The following NELL1 variants were observed in gnomAD, a reference collection of about 807,000 sequenced individuals.
The protein encoded by NELL1 is neural EGFL like 1, also known as protein kinase C-binding protein NELL1.
In NELL1, 76 loss-of-function variants were observed where a neutral mutation model predicts 107.4. That is an observed-to-expected ratio of 0.71 (90% CI 0.59 to 0.86). The LOEUF (loss-of-function observed/expected upper bound fraction) is 0.86. Among genes scored for constraint, NELL1 ranks in the 40% least tolerant of loss-of-function variants. The pLI is 0.00. For missense variants in NELL1, 1,024 were observed against 1,005.5 expected (o/e 1.02, Z -0.25); for synonymous variants, 353 against 341.2 (o/e 1.03, Z -0.38).
intron 2 of NELL1, among the ~76,000 whole-genome samples, chr11:20,705,877 T>G (rs12365921): frequency 6.6e-6 from 1 of 151,692 alleles, no homozygotes; most frequent in African/African-American, 2.4e-5. Flanking sequence ...ACACTTCTCA[T>G]AAGAAGACAT....
intron 13 of NELL1, among the ~76,000 whole-genome samples, chr11:21,164,626 T>A (rs1479668381): frequency 1.3e-5 from 2 of 152,208 alleles, no homozygotes; most frequent in Non-Finnish European, 2.9e-5. Context: ...GAAATCATAG[T>A]GTTATAAAAT....
chr11:20,693,806 G>T (rs374032622), intron 2 of NELL1, among the ~76,000 whole-genome samples: 7 of 152,028 alleles, frequency 4.6e-5, no homozygotes, highest in African/African-American at 1.4e-4. Flanking sequence ...GGCGTTCTCT[G>T]TATTTCCTGA....
chr11:20,847,747 G>A lies in NELL1; in HGVS notation c.500G>A (p.Cys167Tyr), dbSNP rs1848726396. Residue 167 changes from cysteine to tyrosine, a missense_variant, in exon 4 of 20, where the codon TGT becomes TAT. Coordinates refer to ENST00000357134, the MANE Select transcript of NELL1 (RefSeq NM_006157.5). Reference protein sequence around the residue: ...SASHLLLHVDCNRIYERVIDP... With the variant: ...SASHLLLHVDYNRIYERVIDP... ...TCTCATCTCCTGCTCCATGTCGACT[G>A]TAACAGGTATTTCTTTGTCTTTGAG... is the stretch of plus-strand genomic sequence containing the variant. 6.2e-7 allele frequency: 1 copy of A among 1,609,562 alleles called. No individual in the cohort carries two copies. Among genetic ancestry groups the A allele is most frequent in the Non-Finnish European group, 8.5e-7 (1 of 1,177,898 alleles).
rs553515310 is a variant in NELL1 at position 21,495,347 on chromosome 11, T to G, written c.1646-39027T>G. ...AGCATGTATCAGTACCTGATTCCTT[T>G]TTATGGCCGAATAATATTCTATTTT... On this transcript the variant is annotated intron_variant, in intron 15 of 19. Transcript: ENST00000357134. Among the ~76,000 whole-genome samples, 4 of 152,266 alleles carry G rather than the reference T, an allele frequency of 2.6e-5. No individual in the cohort carries two copies. In the East Asian group the frequency reaches 7.7e-4, roughly 29 times the overall value.
chr11:20,936,659 C>T (rs1279632492), intron 9 of NELL1, among the ~76,000 whole-genome samples: 1 of 146,460 alleles, frequency 6.8e-6, no homozygotes, highest in Non-Finnish European at 1.5e-5. Context: ...CTGTCTATTT[C>T]CCTGATTGTA....
chr11:21,142,575 T>A (rs1855892906), intron 13 of NELL1, among the ~76,000 whole-genome samples: 1 of 152,228 alleles, frequency 6.6e-6, no homozygotes, highest in Admixed American at 6.5e-5. Flanking sequence ...TTTGCAGGCC[T>A]TGTGACTTGA....
At chr11:21,150,913 G>T (rs76292965) in intron 13 of NELL1, among the ~76,000 whole-genome samples, 2 of 152,098 alleles carry the variant, frequency 1.3e-5, no homozygotes, top group African/African-American at 4.8e-5. Context: ...TGGTGGAAGG[G>T]CAAAGGGGAA....
At chr11:21,489,761 A>T (rs1854750572) in intron 15 of NELL1, among the ~76,000 whole-genome samples, 1 of 152,134 alleles carries the variant, frequency 6.6e-6, no homozygotes. Context: ...TTGTGATAAA[A>T]ACTCTCAACA....
At chr11:21,210,968 T>C (rs752775512) in intron 13 of NELL1, among the ~76,000 whole-genome samples, 4 of 152,196 alleles carry the variant, frequency 2.6e-5, no homozygotes, top group Admixed American at 6.5e-5. Flanking sequence ...CTTCCTTCTT[T>C]CCTTTCTTTC....
intron 15 of NELL1, among the ~76,000 whole-genome samples, chr11:21,478,284 G>A (rs1034660379): frequency 1.3e-5 from 2 of 152,042 alleles, no homozygotes; most frequent in Admixed American, 6.6e-5. Flanking sequence ...TCGACACATG[G>A]GGATTAAAAT....
intron 13 of NELL1, among the ~76,000 whole-genome samples, chr11:21,183,452 A>G (rs1370099633): frequency 1.3e-5 from 2 of 151,982 alleles, no homozygotes; most frequent in African/African-American, 2.4e-5. Context: ...AATATTATTC[A>G]GGAGAAGGGC....
chr11:20,791,912 A>G (rs1333306223), intron 3 of NELL1, among the ~76,000 whole-genome samples: 3 of 152,186 alleles, frequency 2.0e-5, no homozygotes, highest in South Asian at 2.1e-4. Context: ...AGTGTATTAT[A>G]CTAACTGATT....
chr11:20,835,683 C>A (rs544764648), intron 3 of NELL1, among the ~76,000 whole-genome samples: 19 of 152,260 alleles, frequency 1.2e-4, no homozygotes, highest in African/African-American at 4.3e-4. Context: ...AAAAAACGTT[C>A]TTTTCTTCCT....
chr11:21,111,661 C>T (rs1055215219), intron 12 of NELL1, among the ~76,000 whole-genome samples: 3 of 152,178 alleles, frequency 2.0e-5, no homozygotes, highest in Middle Eastern at 3.4e-3. Context: ...ATGTGGTAAG[C>T]TGGATGCTGG....
chr11:20,873,767 C>CTTT (rs34217570), intron 4 of NELL1, among the ~76,000 whole-genome samples: 3,884 of 135,692 alleles, frequency 0.029, 95 homozygotes, highest in East Asian at 0.13. Context: ...GAATATTTGA[C>CTTT]TTTTTTTTTT....
chr11:20,959,983 T>C (rs1052090423), intron 11 of NELL1, among the ~76,000 whole-genome samples: 5 of 152,172 alleles, frequency 3.3e-5, no homozygotes, highest in Non-Finnish European at 7.3e-5. Flanking sequence ...TTGAGGATAG[T>C]TATCTCTAGT....
chr11:21,081,985 T>A (rs1373487652), intron 12 of NELL1, among the ~76,000 whole-genome samples: 1 of 152,172 alleles, frequency 6.6e-6, no homozygotes, highest in East Asian at 1.9e-4. Context: ...GAGCCTATAC[T>A]CTGAAACACT....
intron 5 of NELL1, among the ~76,000 whole-genome samples, chr11:20,893,291 A>G (rs951384268): frequency 6.6e-6 from 1 of 151,334 alleles, no homozygotes; most frequent in Non-Finnish European, 1.5e-5. Context: ...AATTTAGAGG[A>G]TGGATCAATG....
intron 14 of NELL1, among the ~76,000 whole-genome samples, chr11:21,360,114 T>C (rs907107827): frequency 6.6e-6 from 1 of 152,162 alleles, no homozygotes; most frequent in African/African-American, 2.4e-5. Context: ...GACTTTTTGA[T>C]GTAGGCATTT....
Sources: allele counts gnomAD v4.1 joint callset (sites outside exome capture counted in the v4.1 genomes callset), GRCh38; gene constraint gnomAD v4.1.1; transcripts MANE v1.5; gene names NCBI Gene and HGNC (gene_info 2026-07-23, HGNC 2026-07-21).